FOXP1: variants seen among roughly 807,000 people sequenced by gnomAD.
FOXP1 encodes forkhead box P1.
In FOXP1, 15 loss-of-function variants were observed where a neutral mutation model predicts 98.2. The ratio of observed to expected loss-of-function variants is 0.15; its 90% CI spans 0.10 to 0.24. The LOEUF is 0.24. Ranked by LOEUF, FOXP1 falls within the 10% of genes least tolerant of loss-of-function variation. FOXP1 has a pLI of 1.00. For missense variants in FOXP1, 633 were observed against 848.5 expected (o/e 0.75, Z 3.15); for synonymous variants, 371 against 314.5 (o/e 1.18, Z -1.90).
chr3:71,327,619 C>T (rs1212078999), intron 4 of FOXP1, among the ~76,000 whole-genome samples: 2 of 151,570 alleles, frequency 1.3e-5, no homozygotes, highest in Non-Finnish European at 2.9e-5. Flanking sequence ...GATCTCCTGA[C>T]CTCATGATCT....
chr3:70,963,588 T>A lies in FOXP1; in HGVS notation c.1889+2302A>T. Among the ~76,000 whole-genome samples the A allele has an allele frequency of 1.3e-5, 2 of 152,102 alleles. 1 individual carries two copies. Among genetic ancestry groups the A allele is most frequent in the Non-Finnish European group, 2.9e-5 (2 of 68,038 alleles). On this transcript the variant is annotated intron_variant, in intron 20 of 20. Transcript: ENST00000649528. Reference sequence around the variant, plus strand: ...TACTTCCGAAAGGGCTACCGCTGAATAACTGTGTGCAAAACCACACATTTC... The same window carrying A: ...TACTTCCGAAAGGGCTACCGCTGAAAAACTGTGTGCAAAACCACACATTTC...
chr3:71,364,355 G>T (rs1290498), intron 3 of FOXP1, among the ~76,000 whole-genome samples: 138,370 of 152,230 alleles, frequency 0.91, 63,646 homozygotes, highest in Non-Finnish European at 0.98. Flanking sequence ...GCTAATGTAT[G>T]CCCAAAATGT....
chr3:71,193,982 T>C (rs2063154898), intron 6 of FOXP1, among the ~76,000 whole-genome samples: 1 of 152,208 alleles, frequency 6.6e-6, no homozygotes, highest in Non-Finnish European at 1.5e-5. Context: ...TTCTTTTACA[T>C]TGTTAACTTA....
intron 5 of FOXP1, among the ~76,000 whole-genome samples, chr3:71,208,632 C>T (rs962278613): frequency 4.2e-4 from 64 of 151,516 alleles, no homozygotes; most frequent in African/African-American, 1.5e-3. Context: ...TGTTTAATAA[C>T]GATTGCTGCC....
At chr3:71,202,699 T>C (rs2063751588) in intron 5 of FOXP1, among the ~76,000 whole-genome samples, 1 of 152,180 alleles carries the variant, frequency 6.6e-6, no homozygotes, top group South Asian at 2.1e-4. Context: ...CTGTGCTGGG[T>C]AGTGGATAAT....
intron 4 of FOXP1, among the ~76,000 whole-genome samples, chr3:71,315,122 G>GA (rs2074995820): frequency 1.3e-5 from 1 of 75,314 alleles, no homozygotes; most frequent in African/African-American, 4.3e-5. Context: ...GAAAGAAAAA[G>GA]AAAAGAAAAA....
At chr3:71,461,269 G>T (rs2088071257) in intron 3 of FOXP1, among the ~76,000 whole-genome samples, 1 of 152,174 alleles carries the variant, frequency 6.6e-6, no homozygotes. Context: ...TTTCATATTA[G>T]AATAAAGTGG....
intron 12 of FOXP1, among the ~76,000 whole-genome samples, chr3:71,002,807 G>A (rs1190704248): frequency 1.3e-5 from 2 of 152,140 alleles, no homozygotes; most frequent in Admixed American, 6.6e-5. Context: ...CTCAAACCAC[G>A]TGGGTAATCA....
rs568069935 is a variant in FOXP1 at position 71,225,665 on chromosome 3, C to T, written c.-11-27273G>A. ...GTTACTGTAAAGATGTTTTTCCTTG[C>T]CAGAAATAGCTAGCGATTTTTCTCA... On this transcript the variant is annotated intron_variant, in intron 5 of 20. Coordinates refer to ENST00000649528, the MANE Select transcript of FOXP1 (RefSeq NM_001349338.3). Among the ~76,000 whole-genome samples, 5 of 152,274 alleles carry T rather than the reference C, an allele frequency of 3.3e-5. No homozygotes were observed. In the East Asian group the frequency reaches 7.7e-4, roughly 24 times the overall value.
rs143477036 is a variant in FOXP1 at position 71,143,042 on chromosome 3, G to A, written c.181-30405C>T. Among the ~76,000 whole-genome samples the A allele has an allele frequency of 7.0e-4, 107 of 152,252 alleles. No individual in the cohort carries two copies. The East Asian group carries it at 0.019, about 27-fold the overall frequency. On this transcript the variant is annotated intron_variant, in intron 6 of 20. Coordinates refer to ENST00000649528, the MANE Select transcript of FOXP1 (RefSeq NM_001349338.3). ...GACATGGTGACCCAGGGGAGCAATC[G>A]CTTCTCCTCTCTGGGCCTCACTTTC...
intron 7 of FOXP1, among the ~76,000 whole-genome samples, chr3:71,092,286 G>T (rs180745914): frequency 1.3e-5 from 2 of 152,186 alleles, no homozygotes; most frequent in South Asian, 4.1e-4. Flanking sequence ...CAGGAGAATC[G>T]CTTGAACCTG....
At chr3:71,568,316 T>C (rs1387216175) in intron 2 of FOXP1, among the ~76,000 whole-genome samples, 4 of 152,168 alleles carry the variant, frequency 2.6e-5, no homozygotes, top group Non-Finnish European at 5.9e-5. Context: ...GTGCAAGCTG[T>C]ACAGGAGGGC....
intron 3 of FOXP1, among the ~76,000 whole-genome samples, chr3:71,465,619 G>C (rs2088627694): frequency 6.6e-6 from 1 of 152,196 alleles, no homozygotes; most frequent in Non-Finnish European, 1.5e-5. Context: ...CACAAGGGCA[G>C]GGTCCGTGCT....
chr3:71,188,431 T>A (rs1044147509), intron 6 of FOXP1, among the ~76,000 whole-genome samples: 39 of 151,754 alleles, frequency 2.6e-4, no homozygotes, highest in South Asian at 6.3e-4. Context: ...TTTTTTTTTT[T>A]GAGATGGACT....
At chr3:71,295,745 G>A (rs897419114) in intron 5 of FOXP1, among the ~76,000 whole-genome samples, 1 of 152,210 alleles carries the variant, frequency 6.6e-6, no homozygotes, top group Non-Finnish European at 1.5e-5. Context: ...GCAAATGCAT[G>A]TGGGTAAATT....
At chr3:71,253,594 AT>A (rs1178689121) in intron 5 of FOXP1, among the ~76,000 whole-genome samples, 1 of 152,174 alleles carries the variant, frequency 6.6e-6, no homozygotes, top group Non-Finnish European at 1.5e-5. Context: ...CTCAGTAAAT[AT>A]TTACTCCTTT....
chr3:71,475,652 G>A (rs1406082943), intron 3 of FOXP1, among the ~76,000 whole-genome samples: 1 of 152,112 alleles, frequency 6.6e-6, no homozygotes, highest in Non-Finnish European at 1.5e-5. Flanking sequence ...AGACCAGCCT[G>A]GCCAACATGG....
chr3:71,208,299 G>T (rs772803926), intron 5 of FOXP1, among the ~76,000 whole-genome samples: 2 of 152,134 alleles, frequency 1.3e-5, no homozygotes, highest in Non-Finnish European at 2.9e-5. Flanking sequence ...GCCATCTGAT[G>T]CTCTATTACT....
chr3:71,131,654 A>C (rs1331561679), intron 6 of FOXP1, among the ~76,000 whole-genome samples: 1 of 152,212 alleles, frequency 6.6e-6, no homozygotes, highest in Non-Finnish European at 1.5e-5. Context: ...TTTTGATCTC[A>C]CATTCAAAGC....
Sources: gnomAD v4.1 joint callset for allele counts (sites outside exome capture counted in the v4.1 genomes callset) on GRCh38, gnomAD v4.1.1 for gene constraint, MANE v1.5 for transcripts, NCBI Gene and HGNC (gene_info 2026-07-23, HGNC 2026-07-21) for gene names.